XPO6: variants seen among roughly 807,000 people sequenced by gnomAD.
XPO6 encodes the protein exportin-6.
Under a neutral mutation model 130.0 loss-of-function variants are expected in XPO6, and 3 were observed. The observed-to-expected ratio is 0.02, with a 90% CI of 0.01 to 0.06. XPO6 has a LOEUF of 0.06. XPO6 is among the 10% of genes least tolerant of loss of function. XPO6 has a pLI of 1.00. For synonymous variants in XPO6, 524 were observed against 548.9 expected (o/e 0.95, Z 0.63); for missense variants, 970 against 1,393.0 (o/e 0.70, Z 4.83).
At chr16:28,154,848 C>T (rs908721004) in intron 7 of XPO6, among the ~76,000 whole-genome samples, 5 of 151,834 alleles carry the variant, frequency 3.3e-5, no homozygotes, top group African/African-American at 9.7e-5. Flanking sequence ...AGACATGAGA[C>T]ACACAGATCA....
At chr16:28,197,997 A>G (rs1596969415) in intron 1 of XPO6, among the ~76,000 whole-genome samples, 1 of 143,692 alleles carries the variant, frequency 7.0e-6, no homozygotes, top group South Asian at 2.2e-4. Flanking sequence ...AAACCCTCAT[A>G]CCCTTGGGCC....
intron 1 of XPO6, among the ~76,000 whole-genome samples, chr16:28,196,927 C>A (rs1439314786): frequency 6.6e-6 from 1 of 152,240 alleles, no homozygotes; most frequent in East Asian, 1.9e-4. Flanking sequence ...AAATTGGGAG[C>A]CAAATACACC....
intron 1 of XPO6, among the ~76,000 whole-genome samples, 192 bp downstream of exon 1, chr16:28,211,174 G>A (rs1404907454): frequency 6.6e-6 from 1 of 152,196 alleles, no homozygotes; most frequent in African/African-American, 2.4e-5. Context: ...TCCCAGGCCT[G>A]AGCCATCATC....
intron 1 of XPO6, among the ~76,000 whole-genome samples, chr16:28,188,712 A>G (rs893879352): frequency 6.8e-6 from 1 of 147,044 alleles, no homozygotes; most frequent in Admixed American, 6.9e-5. Context: ...AGAGAAAAAA[A>G]TCTTTGACCT....
rs1567641898 is a variant in XPO6, at chr16:28,181,043, A to AT, written c.4-13dup. On this transcript the variant is annotated splice_polypyrimidine_tract_variant and intron_variant, in intron 1 of 23. Transcript: ENST00000304658. ...GCTTCTTCAGATGCCTAACAAAGGA[A>AT]TTTGAAAAAAAATCAATAAGCTGCA... 1 of 1,602,066 alleles carries AT rather than the reference A, an allele frequency of 6.2e-7. No homozygotes were observed. Among genetic ancestry groups the AT allele is most frequent in the Admixed American group, 1.7e-5 (1 of 58,858 alleles).
chr16:28,142,255 A>G (rs1001412718), intron 9 of XPO6, among the ~76,000 whole-genome samples: 1 of 152,236 alleles, frequency 6.6e-6, no homozygotes, highest in African/African-American at 2.4e-5. Context: ...TCACATGTGC[A>G]TGCTCTTAGT....
intron 1 of XPO6, among the ~76,000 whole-genome samples, chr16:28,196,782 C>T (rs1056642833): frequency 6.6e-6 from 1 of 152,098 alleles, no homozygotes; most frequent in Non-Finnish European, 1.5e-5. Context: ...AAGGGCCTGG[C>T]GCCTCTCCTC....
At position 28,167,120 on chromosome 16, in the gene XPO6, A is replaced by G. The variant is rs79100903; in HGVS notation, c.566-535T>C. On this transcript the variant is annotated intron_variant, in intron 5 of 23. Coordinates refer to ENST00000304658, the MANE Select transcript of XPO6 (RefSeq NM_015171.4). ...GTGACTCATCCACTGCTATGGCTTC[A>G]ATATATTCTGAAGCCTCTCAAGTCT... 6.7e-4 allele frequency: 663 copies of G among 984,066 alleles called. 4 individuals are homozygous for G. In the African/African-American group the frequency reaches 0.011, roughly 16 times the overall value. The allele number at this position is 984,066 out of a possible 1,614,324, so 61.0% of individuals were successfully genotyped here.
chr16:28,118,203 CATTT>C (rs1388971104), intron 14 of XPO6, among the ~76,000 whole-genome samples: 1 of 152,152 alleles, frequency 6.6e-6, no homozygotes, highest in Admixed American at 6.5e-5. Context: ...ATGGTTTGGG[CATTT>C]ATTAACGACT....
intron 1 of XPO6, among the ~76,000 whole-genome samples, chr16:28,186,371 A>ATTTTTTTTTTTTTTTTTTTTTTTTTT (rs1237138991): frequency 2.0e-4 from 2 of 10,136 alleles, no homozygotes; most frequent in African/African-American, 8.2e-4. Context: ...TGCCCCAGTT[A>ATTTTTTTTTTTTTTTTTTTTTTTTTT]TTCTTTTTTT....
rs1299873207 is a variant in XPO6 at position 28,129,631 on chromosome 16, T to A, written c.1606+2703A>T. Among the ~76,000 whole-genome samples, 3 of 152,232 alleles carry A rather than the reference T, an allele frequency of 2.0e-5. No homozygotes were observed. The South Asian group carries it at 6.2e-4, about 31-fold the overall frequency. ...AAAAAGTCTTAAACATAATTTAGTC[T>A]TCTCTTTTTGAGGAGTTGAGGGAGG... On this transcript the variant is annotated intron_variant, in intron 12 of 23. Transcript: ENST00000304658.
intron 1 of XPO6, among the ~76,000 whole-genome samples, chr16:28,186,371 A>ATCCTTTTTTTTTTTTTTT (rs2043692526): frequency 2.0e-4 from 2 of 10,124 alleles, no homozygotes; most frequent in African/African-American, 8.2e-4. Context: ...TGCCCCAGTT[A>ATCCTTTTTTTTTTTTTTT]TTCTTTTTTT....
At chr16:28,151,247 T>C (rs928296418) in intron 8 of XPO6, among the ~76,000 whole-genome samples, 1 of 149,402 alleles carries the variant, frequency 6.7e-6, no homozygotes, top group Non-Finnish European at 1.5e-5. Flanking sequence ...GTTTCATCCC[T>C]GGTACATATC....
intron 1 of XPO6, among the ~76,000 whole-genome samples, chr16:28,207,383 C>T (rs7189762): frequency 6.6e-6 from 1 of 151,986 alleles, no homozygotes; most frequent in African/African-American, 2.4e-5. Flanking sequence ...AGCAACAGCT[C>T]GCTCAATACT....
chr16:28,110,313 T>G (rs575552011), intron 17 of XPO6, among the ~76,000 whole-genome samples: 1 of 152,210 alleles, frequency 6.6e-6, no homozygotes, highest in Non-Finnish European at 1.5e-5. Flanking sequence ...CAAGGCCATG[T>G]AGCTGGCTCT....
rs144508123 is a variant in XPO6 at position 28,210,231 on chromosome 16, T to C, written c.3+1135A>G. On this transcript the variant is annotated intron_variant, in intron 1 of 23. Transcript: ENST00000304658. ...TTTACCCAGCTGGTTGTAAGCTCCA[T>C]ATCTCAGGACCTACACACTACCCAC... Among the ~76,000 whole-genome samples the C allele has an allele frequency of 5.2e-4, 79 of 152,284 alleles. No individual in the cohort carries two copies. The East Asian group carries it at 7.9e-3, about 15-fold the overall frequency.
chr16:28,168,351 C>T (rs555950874), intron 5 of XPO6, among the ~76,000 whole-genome samples: 6 of 152,092 alleles, frequency 3.9e-5, no homozygotes, highest in Non-Finnish European at 4.4e-5. Flanking sequence ...GGCGTGGTGC[C>T]GCATGCCTGT....
At chr16:28,178,314 A>AG (rs1361966651) in intron 2 of XPO6, among the ~76,000 whole-genome samples, 1 of 152,124 alleles carries the variant, frequency 6.6e-6, no homozygotes, top group Non-Finnish European at 1.5e-5. Flanking sequence ...CACATCTGTA[A>AG]TCCCAGCACT....
intron 15 of XPO6, 154 bp downstream of exon 15, chr16:28,117,164 C>A: frequency 9.5e-7 from 1 of 1,048,826 alleles, no homozygotes; most frequent in Non-Finnish European, 1.4e-6. Context: ...TAGGCTACAA[C>A]TAAAAAGGAA....
Sources: gnomAD v4.1 joint callset for allele counts (sites outside exome capture counted in the v4.1 genomes callset) on GRCh38, gnomAD v4.1.1 for gene constraint, MANE v1.5 for transcripts, NCBI Gene and HGNC (gene_info 2026-07-23, HGNC 2026-07-21) for gene names.